Variants in MEI1 observed in about 807,000 individuals in gnomAD.
MEI1 encodes meiosis inhibitor protein 1.
MEI1 carries 103 observed loss-of-function variants against 146.2 expected under a neutral mutation model. The observed-to-expected ratio is 0.70, with a 90% CI of 0.60 to 0.83. MEI1 has a LOEUF of 0.83. Among genes scored for constraint, MEI1 ranks in the 40% least tolerant of loss-of-function variants. The probability of loss-of-function intolerance (pLI) is 0.00; values close to 1 mark genes in which losing one functional copy is unlikely to be tolerated. For synonymous variants in MEI1, 652 were observed against 628.2 expected, an observed-to-expected ratio of 1.04 and a Z score of -0.57; for missense variants, 1,529 against 1,533.0, an observed-to-expected ratio of 1.00 and a Z score of 0.04.
intron 19 of MEI1, among the ~76,000 whole-genome samples, chr22:41,770,249 T>C (rs181014667): frequency 4.6e-5 from 7 of 152,154 alleles, no homozygotes; most frequent in Admixed American, 4.6e-4. Context: ...CAGCTTTCAG[T>C]CTAGTGTGGG....
intron 15 of MEI1, among the ~76,000 whole-genome samples, chr22:41,748,508 A>AC (rs55688502): frequency 0.72 from 109,220 of 151,802 alleles, 40,362 homozygotes; most frequent in East Asian, 0.92. Context: ...ATACAGTGAG[A>AC]CCCCATCTCT....
intron 15 of MEI1, 198 bp from the exon 16 acceptor site, chr22:41,752,393 A>C: frequency 1.7e-6 from 1 of 585,352 alleles, no homozygotes; most frequent in Non-Finnish European, 3.1e-6. Flanking sequence ...ACACCCTGTG[A>C]GGTACAAATA....
At chr22:41,727,686 G>T (rs190006007) in intron 7 of MEI1, among the ~76,000 whole-genome samples, 1 of 152,132 alleles carries the variant, frequency 6.6e-6, no homozygotes, top group East Asian at 1.9e-4. Flanking sequence ...TCATAGCTAC[G>T]ATTTACGGCA....
chr22:41,721,233 C>T (rs1278274894), intron 6 of MEI1, among the ~76,000 whole-genome samples: 11 of 140,472 alleles, frequency 7.8e-5, no homozygotes, highest in African/African-American at 3.0e-4. Flanking sequence ...CCACCACGCC[C>T]GTTCTTTTTT....
At chr22:41,725,363 C>T (rs1236170580) in intron 7 of MEI1, among the ~76,000 whole-genome samples, 2 of 152,014 alleles carry the variant, frequency 1.3e-5, no homozygotes, top group African/African-American at 2.4e-5. Flanking sequence ...CCGCCTGCCT[C>T]GGCCTCCCAA....
chr22:41,715,014 C>G (rs2069965836), intron 4 of MEI1, among the ~76,000 whole-genome samples: 1 of 152,114 alleles, frequency 6.6e-6, no homozygotes, highest in African/African-American at 2.4e-5. Flanking sequence ...AAGAACATTT[C>G]ATTATAAATT....
chr22:41,791,442 G>C (rs1406119917), intron 26 of MEI1, among the ~76,000 whole-genome samples: 1 of 152,196 alleles, frequency 6.6e-6, no homozygotes, highest in Non-Finnish European at 1.5e-5. Flanking sequence ...GAGCTGTCAT[G>C]ATGCCACTGA....
chr22:41,717,213 A>G lies in MEI1; in HGVS notation c.530-858A>G, dbSNP rs2070289270. 2.0e-5 allele frequency among the ~76,000 whole-genome samples: 3 copies of G among 152,194 alleles called. No individual in the cohort carries two copies. The South Asian group carries it at 6.2e-4, about 32-fold the overall frequency. On this transcript the variant is annotated intron_variant, in intron 5 of 30. Coordinates refer to ENST00000401548, the MANE Select transcript of MEI1 (RefSeq NM_152513.4). The stretch of plus-strand genomic sequence containing the variant: ...ATTTTTTGAGACAGAACCGGGCTAC[A>G]GCGCAGTGGCATGATCTTGGCTTAC...
intron 18 of MEI1, among the ~76,000 whole-genome samples, chr22:41,759,766 T>C (rs1601976743): frequency 6.6e-6 from 1 of 151,678 alleles, no homozygotes; most frequent in Non-Finnish European, 1.5e-5. Flanking sequence ...GAGGTGGAGG[T>C]TGGAGTGAGC....
chr22:41,790,506 G>T (rs1054381157), intron 26 of MEI1, among the ~76,000 whole-genome samples: 3 of 152,150 alleles, frequency 2.0e-5, no homozygotes, highest in Non-Finnish European at 4.4e-5. Context: ...CTCCCAGAAT[G>T]GTTCATTCAG....
At chr22:41,772,901 T>C (rs946129982) in intron 20 of MEI1, among the ~76,000 whole-genome samples, 4 of 152,182 alleles carry the variant, frequency 2.6e-5, no homozygotes, top group Non-Finnish European at 5.9e-5. Flanking sequence ...CTATTTGACA[T>C]TTCTGCCTAA....
chr22:41,796,845 G>A (rs2076376949), intron 30 of MEI1, among the ~76,000 whole-genome samples: 2 of 152,196 alleles, frequency 1.3e-5, no homozygotes, highest in South Asian at 4.1e-4. Context: ...TACTCGGGAG[G>A]CTGAGGCACA....
At chr22:41,767,941 G>T (rs1375659440) in intron 19 of MEI1, among the ~76,000 whole-genome samples, 2 of 152,170 alleles carry the variant, frequency 1.3e-5, no homozygotes, top group African/African-American at 4.8e-5. Context: ...TGAGAGCAGA[G>T]TATGATTTAA....
Position 41,703,286 on chromosome 22 carries a change from C to T in MEI1, c.175-45C>T, listed in dbSNP as rs1452845976. On this transcript the variant is annotated intron_variant, in intron 1 of 30. Transcript: ENST00000401548. ...ATTACGGTTGTTGGATTCAGAATAG[C>T]CAAAATTTGGTTGCTATTGAATGTT... 11 of 1,597,058 alleles carry T rather than the reference C, an allele frequency of 6.9e-6. No individual in the cohort carries two copies. The East Asian group carries it at 2.5e-4, about 36-fold the overall frequency.
chr22:41,797,109 C>T (rs2076390327), intron 30 of MEI1, among the ~76,000 whole-genome samples: 1 of 152,008 alleles, frequency 6.6e-6, no homozygotes, highest in Non-Finnish European at 1.5e-5. Flanking sequence ...GGGATCCTCC[C>T]GCCTCAGCCC....
At chr22:41,766,150 C>T (rs929079094) in intron 19 of MEI1, among the ~76,000 whole-genome samples, 25 of 152,084 alleles carry the variant, frequency 1.6e-4, no homozygotes, top group African/African-American at 6.0e-4. Flanking sequence ...GCTGGGATTA[C>T]AGGCATGAGC....
intron 27 of MEI1, 57 bp downstream of exon 27, chr22:41,793,967 C>G: frequency 6.9e-7 from 1 of 1,440,100 alleles, no homozygotes; most frequent in Non-Finnish European, 9.6e-7. Context: ...GGGAGCAACA[C>G]CCTTCCACCC....
At chr22:41,743,340 TAGC>T (rs2073032381) in intron 12 of MEI1, 146 bp downstream of exon 12, 1 of 568,256 alleles carries the variant, frequency 1.8e-6, no homozygotes, top group African/African-American at 1.9e-5. Context: ...TTTTCCCTAA[TAGC>T]AGAACTATGA....
chr22:41,745,934 ACAGCTCC>A lies in MEI1; in HGVS notation c.1593_1599del (p.Ser533ArgfsTer25). ...GCCTTCAGCCCAGGAGAATCCATTC[ACAGCTCC>A]CAGCGCCAAGAAGGAAGACACCTTG... On this transcript the variant is annotated frameshift_variant, in exon 14 of 31. Transcript: ENST00000401548. LOFTEE classifies it high-confidence loss of function. 6.2e-7 allele frequency: 1 copy of A among 1,613,562 alleles called. No homozygotes were observed. Among genetic ancestry groups the A allele is most frequent in the Non-Finnish European group, 8.5e-7 (1 of 1,179,586 alleles).
Sources: gnomAD v4.1 joint callset for allele counts (sites outside exome capture counted in the v4.1 genomes callset) on GRCh38, gnomAD v4.1.1 for gene constraint, MANE v1.5 for transcripts, NCBI Gene and HGNC (gene_info 2026-07-23, HGNC 2026-07-21) for gene names.